The following PRKCB variants were observed in gnomAD, a reference collection of about 807,000 sequenced individuals.
PRKCB encodes the protein protein kinase C beta type.
PRKCB carries 13 observed loss-of-function variants against 81.5 expected under a neutral mutation model. The observed-to-expected ratio is 0.16, with a 90% CI of 0.10 to 0.25. The LOEUF (loss-of-function observed/expected upper bound fraction) is 0.25, where lower values mean the gene tolerates loss of function less well. Ranked by LOEUF, PRKCB falls within the 10% of genes least tolerant of loss-of-function variation. PRKCB has a pLI of 1.00. For missense variants in PRKCB, 509 were observed against 875.7 expected (o/e 0.58, Z 5.29); for synonymous variants, 335 against 321.4 (o/e 1.04, Z -0.45).
chr16:23,867,200 A>G (rs1962822648), intron 2 of PRKCB, among the ~76,000 whole-genome samples: 1 of 151,538 alleles, frequency 6.6e-6, no homozygotes, highest in Non-Finnish European at 1.5e-5. Context: ...ATCTCAGCTC[A>G]CTGCAACCTC....
At chr16:23,935,433 C>A (rs1313495093) in intron 2 of PRKCB, among the ~76,000 whole-genome samples, 2 of 152,174 alleles carry the variant, frequency 1.3e-5, no homozygotes, top group Admixed American at 6.5e-5. Context: ...CCAGCTGCAG[C>A]AAACTTCTCA....
At chr16:23,942,457 A>G (rs1389322649) in intron 2 of PRKCB, among the ~76,000 whole-genome samples, 2 of 152,222 alleles carry the variant, frequency 1.3e-5, no homozygotes, top group African/African-American at 4.8e-5. Context: ...GTGAGCCTGG[A>G]GCTTGGAGCA....
intron 5 of PRKCB, among the ~76,000 whole-genome samples, chr16:24,086,041 G>A (rs1209700446): frequency 6.6e-6 from 1 of 152,132 alleles, no homozygotes; most frequent in Non-Finnish European, 1.5e-5. Context: ...ACGTTTGCTG[G>A]TTTTGTAATC....
intron 2 of PRKCB, among the ~76,000 whole-genome samples, chr16:23,894,653 A>G (rs1419143536): frequency 1.3e-5 from 2 of 152,252 alleles, no homozygotes; most frequent in Non-Finnish European, 2.9e-5. Flanking sequence ...GGCTGAGTCT[A>G]GCCAACCCAG....
At chr16:23,872,573 G>A (rs1239256159) in intron 2 of PRKCB, among the ~76,000 whole-genome samples, 1 of 152,068 alleles carries the variant, frequency 6.6e-6, no homozygotes, top group East Asian at 1.9e-4. Flanking sequence ...GTCTCTGGAG[G>A]TATCCTGTTT....
chr16:24,212,194 T>C (rs924689424), intron 16 of PRKCB, among the ~76,000 whole-genome samples: 4 of 152,174 alleles, frequency 2.6e-5, no homozygotes, highest in Admixed American at 2.6e-4. Flanking sequence ...TACTGTTCTC[T>C]CCTGGTTCTC....
intron 5 of PRKCB, among the ~76,000 whole-genome samples, chr16:24,067,157 CT>C (rs1567362568): frequency 6.6e-6 from 1 of 152,098 alleles, no homozygotes; most frequent in African/African-American, 2.4e-5. Flanking sequence ...CAGTCAGTTT[CT>C]TTTTTGTAAC....
chr16:23,868,698 AG>A lies in PRKCB; in HGVS notation c.205+31293del, dbSNP rs146917403. ...TCCCCTCCATTTTCTCTTTAGTTTC[AG>A]AACTGGTAAGAGTTTGTCTAATAAG... On this transcript the variant is annotated intron_variant, in intron 2 of 16. Coordinates refer to ENST00000643927, the MANE Select transcript of PRKCB (RefSeq NM_002738.7). Among the ~76,000 whole-genome samples the A allele has an allele frequency of 4.0e-3, 607 of 152,350 alleles. 29 individuals carry two copies. In the East Asian group the frequency reaches 0.1, roughly 25 times the overall value.
chr16:24,093,055 C>T (rs8048554), intron 6 of PRKCB, 108 bp downstream of exon 6: 1 of 1,190,752 alleles, frequency 8.4e-7, no homozygotes, highest in Non-Finnish European at 1.2e-6. Flanking sequence ...CCTTCCCTAC[C>T]TCCCTCCTTT....
intron 5 of PRKCB, among the ~76,000 whole-genome samples, chr16:24,050,466 A>AACACACAC (rs3051483): frequency 2.0e-5 from 3 of 149,270 alleles, no homozygotes; most frequent in Non-Finnish European, 1.5e-5. Context: ...GGTTTTATGT[A>AACACACAC]ACACACACAC....
intron 2 of PRKCB, among the ~76,000 whole-genome samples, chr16:23,906,963 G>A (rs1195468039): frequency 6.6e-6 from 1 of 151,982 alleles, no homozygotes; most frequent in Non-Finnish European, 1.5e-5. Flanking sequence ...CTCTGTGTAG[G>A]AACAGTGGGT....
chr16:24,088,894 C>T (rs567254818), intron 5 of PRKCB, among the ~76,000 whole-genome samples: 1 of 152,078 alleles, frequency 6.6e-6, no homozygotes, highest in East Asian at 1.9e-4. Context: ...AAGACTGGGG[C>T]GGAGGAGGGG....
At chr16:24,175,992 A>T (rs973650816) in intron 12 of PRKCB, among the ~76,000 whole-genome samples, 1 of 150,740 alleles carries the variant, frequency 6.6e-6, no homozygotes, top group African/African-American at 2.4e-5. Flanking sequence ...AAAAAAAAAA[A>T]AGGCATGTTA....
intron 2 of PRKCB, among the ~76,000 whole-genome samples, chr16:23,960,256 C>T (rs989496723): frequency 1.3e-5 from 2 of 152,154 alleles, no homozygotes; most frequent in African/African-American, 4.8e-5. Flanking sequence ...CTTTATTATA[C>T]CCATACCTCC....
At chr16:23,944,330 A>T (rs1224236693) in intron 2 of PRKCB, among the ~76,000 whole-genome samples, 1 of 152,244 alleles carries the variant, frequency 6.6e-6, no homozygotes. Context: ...GCTTAAAATT[A>T]TCCTTCTGTA....
At chr16:23,927,957 C>T (rs543555295) in intron 2 of PRKCB, among the ~76,000 whole-genome samples, 2 of 151,818 alleles carry the variant, frequency 1.3e-5, no homozygotes, top group East Asian at 1.9e-4. Flanking sequence ...CTTAGCTGCA[C>T]ATCAGTAGTC....
At chr16:23,975,342 G>C (rs1964610934) in intron 2 of PRKCB, among the ~76,000 whole-genome samples, 2 of 152,232 alleles carry the variant, frequency 1.3e-5, no homozygotes, top group East Asian at 3.9e-4. Flanking sequence ...TTTGGTGGCT[G>C]TCACTCCTTG....
chr16:24,207,857 G>C (rs898289234), intron 16 of PRKCB, among the ~76,000 whole-genome samples: 1 of 152,214 alleles, frequency 6.6e-6, no homozygotes, highest in African/African-American at 2.4e-5. Context: ...GTTCCTGGCA[G>C]AGGAGGCAGC....
chr16:24,054,989 A>G (rs1447961625), intron 5 of PRKCB, among the ~76,000 whole-genome samples: 2 of 152,134 alleles, frequency 1.3e-5, no homozygotes, highest in Non-Finnish European at 2.9e-5. Flanking sequence ...CTCCCCCAGG[A>G]TCATTCGCCA....
Sources: allele counts gnomAD v4.1 joint callset (sites outside exome capture counted in the v4.1 genomes callset), GRCh38; gene constraint gnomAD v4.1.1; transcripts MANE v1.5; gene names NCBI Gene and HGNC (gene_info 2026-07-23, HGNC 2026-07-21).